ZFAT: variants seen among roughly 807,000 people sequenced by gnomAD.
The protein encoded by ZFAT is zinc finger protein ZFAT.
ZFAT carries 64 observed loss-of-function variants against 117.7 expected under a neutral mutation model. The observed-to-expected ratio is 0.54, with a 90% CI of 0.44 to 0.67. The LOEUF (loss-of-function observed/expected upper bound fraction) is 0.67. Among genes scored for constraint, ZFAT ranks in the 30% least tolerant of loss-of-function variants. ZFAT has a pLI of 0.00. For missense variants in ZFAT, 1,433 were observed against 1,584.5 expected, an observed-to-expected ratio of 0.90 and a Z score of 1.62; for synonymous variants, 679 against 615.0, an observed-to-expected ratio of 1.10 and a Z score of -1.54.
At chr8:134,549,828 C>T (rs1822999193) in intron 11 of ZFAT, among the ~76,000 whole-genome samples, 1 of 152,106 alleles carries the variant, frequency 6.6e-6, no homozygotes. Context: ...AACAAACACA[C>T]CAGACCCCCG....
chr8:134,623,383 C>T (rs1343473541), intron 3 of ZFAT, among the ~76,000 whole-genome samples: 2 of 152,198 alleles, frequency 1.3e-5, no homozygotes, highest in Non-Finnish European at 1.5e-5. Context: ...TACTCATGCC[C>T]CTCCTCCACT....
chr8:134,606,918 T>G (rs1482651720), intron 5 of ZFAT, among the ~76,000 whole-genome samples: 2 of 152,150 alleles, frequency 1.3e-5, no homozygotes, highest in African/African-American at 2.4e-5. Flanking sequence ...ACTTCCAAAA[T>G]TTTTTATATA....
chr8:134,585,057 C>T (rs1825973703), intron 9 of ZFAT, among the ~76,000 whole-genome samples: 1 of 152,176 alleles, frequency 6.6e-6, no homozygotes, highest in African/African-American at 2.4e-5. Flanking sequence ...TAAGTGTCAA[C>T]AGGCTGTGTG....
the ZFAT span, among the ~76,000 whole-genome samples, chr8:134,802,748 C>T: frequency 3.9e-5 from 6 of 152,160 alleles, no homozygotes; most frequent in Non-Finnish European, 5.9e-5. Flanking sequence ...AATTTCTGTG[C>T]TTTCTAAGTC....
chr8:134,659,109 T>C (rs1474333253), intron 1 of ZFAT, among the ~76,000 whole-genome samples: 1 of 152,272 alleles, frequency 6.6e-6, no homozygotes, highest in African/African-American at 2.4e-5. Context: ...CGCCATTTAC[T>C]GCCTGGTGAT....
At chr8:134,481,933 A>G (rs1232378565) in intron 15 of ZFAT, among the ~76,000 whole-genome samples, 3 of 152,352 alleles carry the variant, frequency 2.0e-5, no homozygotes, top group African/African-American at 7.2e-5. Flanking sequence ...CAGCCCGACC[A>G]AGGCCACCGG....
At chr8:134,638,560 C>CAAAAAAAAAAAAAAAAAAAAA (rs1563711719) in intron 2 of ZFAT, among the ~76,000 whole-genome samples, 2 of 63,014 alleles carry the variant, frequency 3.2e-5, no homozygotes, top group African/African-American at 1.5e-4. Flanking sequence ...AAAAAAAAAA[C>CAAAAAAAAAAAAAAAAAAAAA]AAAACAAAAA....
the ZFAT span, among the ~76,000 whole-genome samples, chr8:134,758,489 G>A: frequency 6.6e-6 from 1 of 152,222 alleles, no homozygotes; most frequent in Non-Finnish European, 1.5e-5. Flanking sequence ...CCAATCTTTG[G>A]TTCTGTTTTG....
At chr8:134,547,559 C>T (rs917331365) in intron 11 of ZFAT, among the ~76,000 whole-genome samples, 2 of 152,210 alleles carry the variant, frequency 1.3e-5, no homozygotes, top group Non-Finnish European at 2.9e-5. Context: ...AACACCACTG[C>T]AGTAGTGAAG....
At chr8:134,831,599 C>T in the ZFAT span, among the ~76,000 whole-genome samples, 1 of 152,222 alleles carries the variant, frequency 6.6e-6, no homozygotes, top group Non-Finnish European at 1.5e-5. Context: ...CGCCTCGTCC[C>T]GAGGGCAGAG....
At chr8:134,612,736 T>C (rs906034997) in intron 3 of ZFAT, among the ~76,000 whole-genome samples, 6 of 152,186 alleles carry the variant, frequency 3.9e-5, no homozygotes, top group African/African-American at 1.4e-4. Flanking sequence ...AAAGAACGAA[T>C]AGATGAGATC....
intron 3 of ZFAT, 97 bp downstream of exon 3, chr8:134,637,364 G>A: frequency 1.4e-6 from 2 of 1,442,872 alleles, no homozygotes; most frequent in Non-Finnish European, 1.9e-6. Context: ...ATAAATATGT[G>A]CTATTTCCAA....
At chr8:134,797,157 A>G in the ZFAT span, 1 of 152,296 alleles carries the variant, frequency 6.6e-6, no homozygotes, top group South Asian at 2.1e-4. Context: ...CTGACTACAA[A>G]CAGGAGATAA....
At chr8:134,686,716 C>G (rs1026058004) in intron 1 of ZFAT, among the ~76,000 whole-genome samples, 1 of 152,114 alleles carries the variant, frequency 6.6e-6, no homozygotes, top group Non-Finnish European at 1.5e-5. Context: ...CAGGACATCA[C>G]GAAGACGATG....
intron 13 of ZFAT, among the ~76,000 whole-genome samples, chr8:134,517,742 T>C (rs1820354870): frequency 6.6e-6 from 1 of 152,238 alleles, no homozygotes; most frequent in Non-Finnish European, 1.5e-5. Context: ...AGACTTTCCA[T>C]ATCTTTCATG....
chr8:134,490,380 C>T (rs1231447710), intron 15 of ZFAT, among the ~76,000 whole-genome samples: 5 of 152,184 alleles, frequency 3.3e-5, no homozygotes, highest in Non-Finnish European at 7.3e-5. Flanking sequence ...GGAGTCCATG[C>T]CTGGGTTCAA....
intron 15 of ZFAT, among the ~76,000 whole-genome samples, chr8:134,501,242 C>T (rs1249267085): frequency 6.6e-6 from 1 of 152,130 alleles, no homozygotes; most frequent in Non-Finnish European, 1.5e-5. Flanking sequence ...GGTGCCTATG[C>T]TCTCGGTCCT....
chr8:134,804,436 C>CT, the ZFAT span, among the ~76,000 whole-genome samples: 29 of 152,116 alleles, frequency 1.9e-4, no homozygotes, highest in Non-Finnish European at 8.8e-5. Context: ...ACACACATCT[C>CT]TTTTAAGTAT....
the ZFAT span, chr8:134,792,259 T>C: frequency 1.3e-5 from 2 of 152,238 alleles, no homozygotes; most frequent in Non-Finnish European, 2.9e-5. Context: ...ACCTTCTACC[T>C]TTCATAAGGA....
Sources: allele counts gnomAD v4.1 joint callset (sites outside exome capture counted in the v4.1 genomes callset), GRCh38; gene constraint gnomAD v4.1.1; transcripts MANE v1.5; gene names NCBI Gene and HGNC (gene_info 2026-07-23, HGNC 2026-07-21).